Variants in FBXL20 observed in about 807,000 individuals in gnomAD.
FBXL20 encodes F-box/LRR-repeat protein 20.
FBXL20 carries 11 observed loss-of-function variants against 64.0 expected under a neutral mutation model. The observed-to-expected ratio is 0.17, with a 90% CI of 0.11 to 0.28. The LOEUF (loss-of-function observed/expected upper bound fraction) is 0.28, where lower values mean the gene tolerates loss of function less well. Ranked by LOEUF, FBXL20 falls within the 10% of genes least tolerant of loss-of-function variation. The pLI is 1.00. For synonymous variants in FBXL20, 184 were observed against 189.0 expected, an observed-to-expected ratio of 0.97 and a Z score of 0.22; for missense variants, 303 against 526.2, an observed-to-expected ratio of 0.58 and a Z score of 4.15.
chr17:39,341,695 G>A (rs562542319), intron 2 of FBXL20, among the ~76,000 whole-genome samples: 45 of 152,298 alleles, frequency 3.0e-4, no homozygotes, highest in African/African-American at 1.0e-3. Flanking sequence ...AAGTAGAAAT[G>A]TAAGCTGTAT....
At chr17:39,320,115 ATAAAC>A (rs1373917961) in intron 2 of FBXL20, among the ~76,000 whole-genome samples, 5 of 152,158 alleles carry the variant, frequency 3.3e-5, no homozygotes, top group African/African-American at 4.8e-5. Context: ...TGTTTCTTAT[ATAAAC>A]TAGTTTTGTA....
At chr17:39,352,096 G>GT (rs1262302165) in intron 1 of FBXL20, among the ~76,000 whole-genome samples, 1 of 152,110 alleles carries the variant, frequency 6.6e-6, no homozygotes. Flanking sequence ...CTAAATCTCA[G>GT]TTTGACACAT....
intron 11 of FBXL20, among the ~76,000 whole-genome samples, chr17:39,269,720 A>G (rs1393319610): frequency 1.5e-5 from 2 of 136,132 alleles, no homozygotes; most frequent in African/African-American, 5.6e-5. Context: ...CTGATCTCGA[A>G]CTCCTGACCT....
chr17:39,280,939 C>T (rs2046944927), intron 9 of FBXL20, among the ~76,000 whole-genome samples: 1 of 151,976 alleles, frequency 6.6e-6, no homozygotes, highest in Non-Finnish European at 1.5e-5. Flanking sequence ...AATTTTTGCA[C>T]CTTTTGTAGA....
chr17:39,279,081 T>C (rs1380960457), intron 9 of FBXL20, among the ~76,000 whole-genome samples: 1 of 151,452 alleles, frequency 6.6e-6, no homozygotes, highest in Admixed American at 6.6e-5. Flanking sequence ...GAGATGGAGG[T>C]TGCAGAGAGC....
At chr17:39,369,318 T>C (rs947682271) in intron 1 of FBXL20, among the ~76,000 whole-genome samples, 7 of 144,762 alleles carry the variant, frequency 4.8e-5, no homozygotes, top group South Asian at 2.2e-4. Flanking sequence ...AGTGCAGTGG[T>C]GTGATCTTGG....
intron 2 of FBXL20, among the ~76,000 whole-genome samples, chr17:39,330,238 A>G (rs1053173894): frequency 1.3e-5 from 2 of 152,090 alleles, no homozygotes; most frequent in South Asian, 4.1e-4. Flanking sequence ...CTGAGGTTGC[A>G]GTGAGCCAAA....
At chr17:39,390,224 C>T (rs145468558) in intron 1 of FBXL20, among the ~76,000 whole-genome samples, 1 of 152,050 alleles carries the variant, frequency 6.6e-6, no homozygotes, top group Non-Finnish European at 1.5e-5. Context: ...AGTTTGAGAC[C>T]AGCCTGGGCA....
intron 2 of FBXL20, among the ~76,000 whole-genome samples, chr17:39,316,643 A>AT (rs1375317962): frequency 6.6e-6 from 1 of 152,258 alleles, no homozygotes; most frequent in Non-Finnish European, 1.5e-5. Flanking sequence ...TAAATAAAAA[A>AT]GGGAAGCCAT....
chr17:39,281,413 C>CACCA lies in FBXL20; in HGVS notation c.668_671dup (p.Thr225GlyfsTer14), dbSNP rs1176388696. On this transcript the variant is annotated frameshift_variant, in exon 9 of 15. Coordinates refer to ENST00000264658, the MANE Select transcript of FBXL20 (RefSeq NM_032875.3). LOFTEE classifies it high-confidence loss of function. Reference sequence around the variant, plus strand: ...CCAAGCAAGTCTGCAAGTTCAAAGTCACCAGTTCAGGGCAGTGTGCACCTA... The same window carrying CACCA: ...CCAAGCAAGTCTGCAAGTTCAAAGTCACCAACCAGTTCAGGGCAGTGTGCACCTA... 6.2e-7 allele frequency: 1 copy of CACCA among 1,613,922 alleles called. No individual in the cohort carries two copies. The highest frequency in any genetic ancestry group is 2.2e-5 in the East Asian group (1 of 44,848).
At chr17:39,293,070 G>A (rs1364710867) in intron 6 of FBXL20, among the ~76,000 whole-genome samples, 5 of 152,092 alleles carry the variant, frequency 3.3e-5, no homozygotes, top group Non-Finnish European at 5.9e-5. Flanking sequence ...TGGGATTACA[G>A]GCATGAGCCA....
chr17:39,307,456 C>T (rs1177612764), intron 2 of FBXL20, among the ~76,000 whole-genome samples: 3 of 152,072 alleles, frequency 2.0e-5, no homozygotes, highest in African/African-American at 4.8e-5. Flanking sequence ...GTATGACAAA[C>T]GAATGTTTGA....
At chr17:39,362,292 C>CA (rs201481568) in intron 1 of FBXL20, among the ~76,000 whole-genome samples, 53 of 144,334 alleles carry the variant, frequency 3.7e-4, no homozygotes, top group East Asian at 1.8e-3. Context: ...GACTCCGTCT[C>CA]AAAAAAAAAA....
intron 1 of FBXL20, among the ~76,000 whole-genome samples, chr17:39,369,886 C>G (rs1474007908): frequency 6.6e-6 from 1 of 152,084 alleles, no homozygotes; most frequent in Non-Finnish European, 1.5e-5. Flanking sequence ...TCCTCCTACC[C>G]TCCTCCAAAA....
At position 39,261,529 on chromosome 17, in the gene FBXL20, T is replaced by C. The variant is rs773751045; in HGVS notation, c.1242A>G (p.Ala414=). The C allele has an allele frequency of 2.5e-6, 4 of 1,613,974 alleles. No homozygotes were observed. The change falls in exon 15 of 15, where the codon GCA becomes GCG. Residue 414 remains alanine (A), a synonymous_variant. Transcript: ENST00000264658. ...CTACTGATGGGGGTGGAGTGACAGG[T>C]GCGAAGTAGGCGTGGACTTTAATAT... ...LPNIKVHAYF[A]PVTPPPSVGG...
upstream of FBXL20, chr17:39,401,793 G>A: frequency 4.4e-6 from 4 of 911,146 alleles, no homozygotes; most frequent in Non-Finnish European, 2.7e-6. Context: ...CACGGGGCCG[G>A]CCCTGACGGC....
chr17:39,276,436 G>A (rs35846515), intron 9 of FBXL20, among the ~76,000 whole-genome samples: 6,260 of 150,724 alleles, frequency 0.042, 419 homozygotes, highest in African/African-American at 0.14. Context: ...TTTGGGAGGC[G>A]GAGGCGGGTG....
chr17:39,277,825 A>C (rs1020665403), intron 9 of FBXL20, among the ~76,000 whole-genome samples: 4 of 152,086 alleles, frequency 2.6e-5, no homozygotes, highest in African/African-American at 7.2e-5. Context: ...AGAAAATGAA[A>C]GCATCAAAAA....
At chr17:39,275,123 T>C (rs1439159526) in intron 9 of FBXL20, 23 bp from the exon 10 acceptor site, 1 of 1,595,726 alleles carries the variant, frequency 6.3e-7, no homozygotes, top group Non-Finnish European at 8.5e-7. Context: ...AGCAAAAAAA[T>C]CCATAGATAT....
Sources: allele counts gnomAD v4.1 joint callset (sites outside exome capture counted in the v4.1 genomes callset), GRCh38; gene constraint gnomAD v4.1.1; transcripts MANE v1.5; gene names NCBI Gene and HGNC (gene_info 2026-07-23, HGNC 2026-07-21).